The following UNKL variants were observed in gnomAD, a reference collection of about 807,000 sequenced individuals.
UNKL encodes the protein putative E3 ubiquitin-protein ligase UNKL.
Under a neutral mutation model 78.0 loss-of-function variants are expected in UNKL, and 60 were observed. The ratio of observed to expected loss-of-function variants is 0.77; its 90% confidence interval spans 0.63 to 0.95. The LOEUF (loss-of-function observed/expected upper bound fraction) is 0.95, where lower values mean the gene tolerates loss of function less well. UNKL is among the 40% of genes least tolerant of loss of function. The pLI is 0.00. For synonymous variants in UNKL, 608 were observed against 474.8 expected (o/e 1.28, Z -3.65); for missense variants, 1,159 against 1,045.7 (o/e 1.11, Z -1.49).
intron 4 of UNKL, 129 bp downstream of exon 4, chr16:1,401,439 G>T: frequency 8.1e-7 from 1 of 1,232,756 alleles, no homozygotes; most frequent in South Asian, 2.3e-5. Context: ...TGGACTCCAC[G>T]AGCCTCGGTT....
intron 5 of UNKL, chr16:1,398,999 G>C: frequency 6.8e-7 from 1 of 1,469,686 alleles, no homozygotes; most frequent in East Asian, 2.5e-5. Flanking sequence ...GGCAGCTTGG[G>C]TGAGGAGACA....
In UNKL at chr16:1,378,001, C is replaced by T. The variant is rs569645725; in HGVS notation, c.1265-6390G>A. 3.9e-5 allele frequency among the ~76,000 whole-genome samples: 6 copies of T among 152,302 alleles called. No individual in the cohort carries two copies. In the South Asian group the frequency reaches 1.0e-3, roughly 26 times the overall value. ...AGAAAGGAGGAAGCTTGTGCCCTTG[C>T]GCGTGCCGGTCACCGCTTCCCAATG... On this transcript the variant is annotated intron_variant, in intron 10 of 14. Coordinates refer to ENST00000389221, the MANE Select transcript of UNKL (RefSeq NM_001372107.1).
chr16:1,379,234 C>G (rs1309960105), intron 10 of UNKL: 3 of 154,930 alleles, frequency 1.9e-5, no homozygotes, highest in Non-Finnish European at 4.3e-5. Flanking sequence ...CCGTACCACG[C>G]GGGCTGAGTG....
At chr16:1,407,863 T>A (rs1441827582) in intron 2 of UNKL, among the ~76,000 whole-genome samples, 1 of 152,064 alleles carries the variant, frequency 6.6e-6, no homozygotes, top group Non-Finnish European at 1.5e-5. Context: ...GGCCACTCGT[T>A]CTGTGGCTAC....
intron 2 of UNKL, among the ~76,000 whole-genome samples, chr16:1,413,219 C>T (rs1381032525): frequency 3.8e-5 from 5 of 132,090 alleles, no homozygotes; most frequent in Admixed American, 1.7e-4. Context: ...ACTCCAGCCC[C>T]AGCGACAGAG....
intron 2 of UNKL, among the ~76,000 whole-genome samples, chr16:1,406,559 C>G (rs1168481982): frequency 6.6e-6 from 1 of 152,120 alleles, no homozygotes; most frequent in Non-Finnish European, 1.5e-5. Flanking sequence ...AGGCTGGTCC[C>G]AAACTCCTGG....
At chr16:1,395,542 C>A in intron 6 of UNKL, 2 of 373,766 alleles carry the variant, frequency 5.4e-6, no homozygotes, top group Non-Finnish European at 5.5e-6. Context: ...CTCCCTGTAC[C>A]GTCCATACCC....
In UNKL at chr16:1,401,656, G is replaced by A. The variant is rs1006514890; in HGVS notation, c.510C>T (p.Gly170=). 43 of 1,611,818 alleles carry A rather than the reference G, an allele frequency of 2.7e-5. No individual in the cohort carries two copies. The Middle Eastern group carries it at 4.9e-4, about 19-fold the overall frequency. ...QEALQNGQLG[G]GEGVPDLQPG... ...GCTGCAGATCCGGGACCCCTTCCCC[G>A]CCGCCCAGCTGGCCGTTCTGCAAGG... The change falls in exon 4 of 15, where the codon GGC becomes GGT. Residue 170 remains glycine (G), a synonymous_variant. Transcript: ENST00000389221.
At chr16:1,411,554 C>G (rs573418576) in intron 2 of UNKL, among the ~76,000 whole-genome samples, 1 of 151,832 alleles carries the variant, frequency 6.6e-6, no homozygotes, top group East Asian at 1.9e-4. Context: ...CAGCCGGGCG[C>G]GGTGGCTCAT....
chr16:1,383,291 A>G (rs1407865684), intron 10 of UNKL, among the ~76,000 whole-genome samples: 2 of 151,450 alleles, frequency 1.3e-5, no homozygotes, highest in East Asian at 1.9e-4. Flanking sequence ...AAAAAAAACA[A>G]AATCAAAACA....
At chr16:1,392,806 T>A (rs1281739605) in intron 8 of UNKL, 85 bp downstream of exon 8, 2 of 1,474,734 alleles carry the variant, frequency 1.4e-6, no homozygotes, top group East Asian at 4.9e-5. Context: ...ACCACATTGC[T>A]GAAAACTCAT....
intron 2 of UNKL, among the ~76,000 whole-genome samples, chr16:1,410,738 A>C (rs1305887145): frequency 6.6e-6 from 1 of 152,212 alleles, no homozygotes; most frequent in Admixed American, 6.6e-5. Context: ...TGGGCAGATA[A>C]GGGGCTTGAC....
intron 7 of UNKL, among the ~76,000 whole-genome samples, chr16:1,393,310 G>A (rs989830227): frequency 6.6e-6 from 1 of 152,182 alleles, no homozygotes; most frequent in Non-Finnish European, 1.5e-5. Flanking sequence ...GGGCTGGGAG[G>A]AGGAGGCCGT....
chr16:1,378,992 T>A (rs1471937874), intron 10 of UNKL: 1 of 152,168 alleles, frequency 6.6e-6, no homozygotes, highest in Non-Finnish European at 1.5e-5. Flanking sequence ...AGGCAAAATC[T>A]AGGTGAGGCT....
At chr16:1,405,899 C>T (rs8044833) in intron 2 of UNKL, 402,024 of 455,628 alleles carry the variant, frequency 0.88, 178,266 homozygotes, top group East Asian at 1. Context: ...CCTCAGGAAG[C>T]TCTCACCTGA....
chr16:1,388,334 G>A (rs911549466), intron 9 of UNKL, among the ~76,000 whole-genome samples: 2 of 151,874 alleles, frequency 1.3e-5, no homozygotes, highest in African/African-American at 2.4e-5. Flanking sequence ...GCAGCCTCAG[G>A]CTCCCAAAGC....
chr16:1,413,759 A>T, intron 2 of UNKL, 87 bp downstream of exon 2: 3 of 1,373,870 alleles, frequency 2.2e-6, no homozygotes, highest in South Asian at 1.5e-5. Flanking sequence ...ATGGACACTA[A>T]GGCGTCCGCT....
intron 10 of UNKL, among the ~76,000 whole-genome samples, chr16:1,384,942 C>A (rs576975864): frequency 1.3e-5 from 2 of 152,298 alleles, no homozygotes; most frequent in South Asian, 4.1e-4. Context: ...CTGAGCCGGA[C>A]GGCGCCTGCT....
Position 1,397,194 on chromosome 16 carries a change from T to A in UNKL, c.836A>T (p.Gln279Leu). The change falls in exon 6 of 15, where the codon CAG becomes CTG. Residue 279 changes from glutamine (Q) to leucine (L), a missense_variant. Coordinates refer to ENST00000389221, the MANE Select transcript of UNKL (RefSeq NM_001372107.1). ...GCQYCHSRTE[Q>L]QFHPEIYKST... is the part of the protein sequence containing the mutation. Reference sequence around the variant, plus strand: ...GGGACGTACCTCGGGATGGAACTGCTGCTCCGTGCGGGAGTGGCAATACTG... The same window carrying A: ...GGGACGTACCTCGGGATGGAACTGCAGCTCCGTGCGGGAGTGGCAATACTG... The A allele has an allele frequency of 6.5e-7, 1 of 1,547,530 alleles. No individual in the cohort carries two copies. The highest frequency in any genetic ancestry group is 8.7e-7 in the Non-Finnish European group (1 of 1,146,962).
Sources: allele counts gnomAD v4.1 joint callset (sites outside exome capture counted in the v4.1 genomes callset), GRCh38; gene constraint gnomAD v4.1.1; transcripts MANE v1.5; gene names NCBI Gene and HGNC (gene_info 2026-07-23, HGNC 2026-07-21).